Variants in BRD4 observed in about 807,000 individuals in gnomAD.
The protein encoded by BRD4 is bromodomain-containing protein 4.
BRD4 carries 16 observed loss-of-function variants against 142.1 expected under a neutral mutation model. That is an observed-to-expected ratio of 0.11 (90% CI 0.08 to 0.17). BRD4 has a LOEUF of 0.17. Ranked by LOEUF, BRD4 falls within the 10% of genes least tolerant of loss-of-function variation. The pLI is 1.00. For missense variants in BRD4, 1,424 were observed against 1,810.9 expected, an observed-to-expected ratio of 0.79 and a Z score of 3.88; for synonymous variants, 833 against 707.5, an observed-to-expected ratio of 1.18 and a Z score of -2.82.
chr19:15,259,938 C>A (rs187700105), intron 7 of BRD4, among the ~76,000 whole-genome samples: 23 of 152,192 alleles, frequency 1.5e-4, no homozygotes, highest in Admixed American at 1.5e-3. Context: ...CAAGATGCAC[C>A]GAGGCAAGCC....
intron 1 of BRD4, among the ~76,000 whole-genome samples, chr19:15,281,201 C>T (rs1599484894): frequency 2.0e-5 from 3 of 152,384 alleles, no homozygotes; most frequent in African/African-American, 4.8e-5. Flanking sequence ...TCCTCCTTCA[C>T]GCAGTGTGTA....
Position 15,238,225 on chromosome 19 carries a change from C to A in BRD4, c.*152G>T. On this transcript the variant is annotated 3_prime_UTR_variant, in exon 20 of 20. Coordinates refer to ENST00000679869, the MANE Select transcript of BRD4 (RefSeq NM_001379291.1). The surrounding 1 kb of genome is among the most constrained non-coding windows in gnomAD (Gnocchi z 7.2). ...GGCAGACAGGCTCTGCAATCCTCAG[C>A]TGCCCGTCAGGCCTGCCCCGGGCAT... is the stretch of plus-strand genomic sequence containing the variant. The A allele has an allele frequency of 1.6e-6, 2 of 1,270,422 alleles. No homozygotes were observed. Among genetic ancestry groups the A allele is most frequent in the Non-Finnish European group, 2.2e-6 (2 of 929,118 alleles). The allele number at this position is 1,270,422 out of a possible 1,614,324, so 78.7% of individuals were successfully genotyped here. A position where few individuals can be genotyped will look rare whatever the true frequency, so the allele number is the denominator to read the frequency against.
chr19:15,329,950 T>C (rs931705638), intron 1 of BRD4, among the ~76,000 whole-genome samples: 10 of 152,212 alleles, frequency 6.6e-5, no homozygotes, highest in Admixed American at 3.3e-4. Flanking sequence ...AATAATTTAG[T>C]GGAAATGTTA....
At chr19:15,318,378 T>A (rs2048033805) in intron 1 of BRD4, among the ~76,000 whole-genome samples, 1 of 152,210 alleles carries the variant, frequency 6.6e-6, no homozygotes, top group African/African-American at 2.4e-5. Flanking sequence ...CTGCCCCAAT[T>A]ACAGAAGTAT....
At chr19:15,332,135 C>T (rs2048166887) in intron 1 of BRD4, among the ~76,000 whole-genome samples, 155 bp downstream of exon 1, 2 of 146,206 alleles carry the variant, frequency 1.4e-5, no homozygotes, top group South Asian at 2.1e-4. Flanking sequence ...AGGCCCGAGC[C>T]CGCGTAGCCC....
intron 1 of BRD4, among the ~76,000 whole-genome samples, chr19:15,322,475 C>T (rs1486821083): frequency 2.0e-5 from 3 of 151,208 alleles, no homozygotes; most frequent in South Asian, 4.2e-4. Flanking sequence ...TTTGGGAGGC[C>T]GAGGCGGGTG....
rs141774763 is a variant in BRD4, at chr19:15,239,098, G to A, written c.3743C>T (p.Ala1248Val). 1,534 of 1,606,916 alleles carry A rather than the reference G, an allele frequency of 9.5e-4. 11 individuals carry two copies. The highest frequency in any genetic ancestry group is 1.9e-4 in the Non-Finnish European group (228 of 1,179,282). ...EKALKAQAEH[A>V]EKEKERLRQE... ...CCGCAGCCGCTCCTTCTCCTTCTCA[G>A]CGTGCTCGGCCTGAGCCTTCAGGGC... The change falls in exon 18 of 20, where the codon GCT (alanine) becomes GTT (valine). Residue 1248 changes from alanine to valine, a missense_variant. This residue lies in a region of BRD4 where 109 missense variants were observed against 117.9 expected (regional missense o/e 0.92). Coordinates refer to ENST00000679869, the MANE Select transcript of BRD4 (RefSeq NM_001379291.1). The surrounding 1 kb of genome is among the most constrained non-coding windows in gnomAD (Gnocchi z 7.4).
chr19:15,274,215 G>C (rs1027635599), intron 1 of BRD4, among the ~76,000 whole-genome samples: 1 of 152,180 alleles, frequency 6.6e-6, no homozygotes. Context: ...GACACACCAA[G>C]TGACTGGACA....
At chr19:15,273,816 C>CTTTTTT (rs920676613) in intron 1 of BRD4, among the ~76,000 whole-genome samples, 11 of 127,374 alleles carry the variant, frequency 8.6e-5, no homozygotes, top group Non-Finnish European at 8.5e-5. Context: ...CTACCATTTT[C>CTTTTTT]TTTTTTTTTT....
At chr19:15,276,498 ACTCTCTCTCTCT>A (rs141468815) in intron 1 of BRD4, among the ~76,000 whole-genome samples, 1 of 145,508 alleles carries the variant, frequency 6.9e-6, no homozygotes, top group African/African-American at 2.5e-5. Context: ...AGGCTCACAG[ACTCTCTCTCTCT>A]CTCTCTCTGG....
rs188337134 is a variant in BRD4, at chr19:15,265,693, T to C, written c.560-50A>G. The C allele has an allele frequency of 8.1e-6, 13 of 1,598,820 alleles. No individual in the cohort carries two copies. In the East Asian group the frequency reaches 1.3e-4, roughly 16 times the overall value. On this transcript the variant is annotated intron_variant, in intron 4 of 19. Transcript: ENST00000679869. ...GTTAGAGACCATGCTGACATCCACATGCTGGCTGACCTCGTGGGGACATAC... is the reference window on the plus strand; with the variant it reads ...GTTAGAGACCATGCTGACATCCACACGCTGGCTGACCTCGTGGGGACATAC...
At chr19:15,267,957 C>T (rs1568390169) in intron 3 of BRD4, among the ~76,000 whole-genome samples, 2 of 152,212 alleles carry the variant, frequency 1.3e-5, no homozygotes, top group African/African-American at 4.8e-5. Flanking sequence ...TGCTCCCCAA[C>T]GTACCCCCAT....
At chr19:15,251,830 G>A (rs904011112) in intron 11 of BRD4, among the ~76,000 whole-genome samples, 9 of 152,332 alleles carry the variant, frequency 5.9e-5, no homozygotes, top group Non-Finnish European at 4.4e-5. Context: ...AGCCCCTGCT[G>A]GCCAGGATTG....
At chr19:15,277,984 T>C (rs1037725492) in intron 1 of BRD4, among the ~76,000 whole-genome samples, 13 of 151,382 alleles carry the variant, frequency 8.6e-5, no homozygotes, top group Non-Finnish European at 7.4e-5. Context: ...CGGGCGCCTG[T>C]AGTCCCAGCT....
chr19:15,295,033 CCTG>C (rs1317662546), intron 1 of BRD4, among the ~76,000 whole-genome samples: 2 of 152,204 alleles, frequency 1.3e-5, no homozygotes, highest in Admixed American at 6.5e-5. Context: ...AATTTCCTAG[CCTG>C]CTATTAAATA....
intron 7 of BRD4, among the ~76,000 whole-genome samples, chr19:15,262,792 A>G (rs527618465): frequency 3.9e-5 from 6 of 152,254 alleles, no homozygotes; most frequent in African/African-American, 1.4e-4. Context: ...ATTCTCCAAA[A>G]TTTTTAACCC....
At chr19:15,253,493 G>A in intron 11 of BRD4, 1 of 1,456,570 alleles carries the variant, frequency 6.9e-7, no homozygotes. Flanking sequence ...TGAAAAGAAG[G>A]GACTGTTAGT....
chr19:15,325,548 T>C (rs2145006884), intron 1 of BRD4, among the ~76,000 whole-genome samples: 2 of 152,316 alleles, frequency 1.3e-5, no homozygotes, highest in South Asian at 2.1e-4. Context: ...TTTGTTTTCA[T>C]ACATCATCAT....
intron 9 of BRD4, 80 bp from the exon 10 acceptor site, chr19:15,255,672 G>C (rs1285808263): frequency 2.0e-6 from 3 of 1,493,998 alleles, no homozygotes; most frequent in Admixed American, 2.1e-5. Context: ...ATGTATGTTG[G>C]GGGGAAGGGG....
Sources: gnomAD v4.1 joint callset for allele counts (sites outside exome capture counted in the v4.1 genomes callset) on GRCh38, gnomAD v4.1.1 for gene constraint, gnomAD v4.1.1 regional missense constraint, Gnocchi (gnomAD v3.1) non-coding constraint, MANE v1.5 for transcripts, NCBI Gene and HGNC (gene_info 2026-07-23, HGNC 2026-07-21) for gene names.